The following THRB variants were observed in gnomAD, a reference collection of about 807,000 sequenced individuals.
THRB encodes the protein nuclear receptor subfamily 1 group A member 2.
A neutral mutation model predicts 47.8 loss-of-function variants in THRB; 12 were observed. The ratio of observed to expected loss-of-function variants is 0.25; its 90% CI spans 0.16 to 0.41. The LOEUF (loss-of-function observed/expected upper bound fraction) is 0.41. Ranked by LOEUF, THRB falls within the 10% of genes least tolerant of loss-of-function variation. THRB has a pLI of 1.00. For synonymous variants in THRB, 218 were observed against 212.2 expected, an observed-to-expected ratio of 1.03 and a Z score of -0.24; for missense variants, 348 against 589.2, an observed-to-expected ratio of 0.59 and a Z score of 4.24.
intron 5 of THRB, among the ~76,000 whole-genome samples, chr3:24,188,153 C>T (rs1366804148): frequency 6.6e-6 from 1 of 152,210 alleles, no homozygotes; most frequent in Admixed American, 6.5e-5. Flanking sequence ...TACCCCACAT[C>T]TATCTGAAAT....
In THRB at chr3:24,123,143, G is replaced by A. The variant is rs1453584057; in HGVS notation, c.1145-18C>T. On this transcript the variant is annotated intron_variant, in intron 10 of 10. Coordinates refer to ENST00000646209, the MANE Select transcript of THRB (RefSeq NM_001354712.2). ...CGGGCGATCTGCGGGGAAGAGAGAAGATGGACATTGATTCAGAGATGGAAG... is the reference window on the plus strand; with the variant it reads ...CGGGCGATCTGCGGGGAAGAGAGAAAATGGACATTGATTCAGAGATGGAAG... The A allele has an allele frequency of 1.2e-6, 2 of 1,613,950 alleles. No homozygotes were observed. Among genetic ancestry groups the A allele is most frequent in the Non-Finnish European group, 1.7e-6 (2 of 1,180,022 alleles).
chr3:24,422,162 A>G (rs980161995), intron 1 of THRB, among the ~76,000 whole-genome samples: 1 of 151,998 alleles, frequency 6.6e-6, no homozygotes, highest in Admixed American at 6.6e-5. Context: ...AATAGGCTTG[A>G]GGAGCTTGGG....
chr3:24,337,583 T>C (rs2062341964), intron 1 of THRB, among the ~76,000 whole-genome samples: 1 of 152,218 alleles, frequency 6.6e-6, no homozygotes, highest in African/African-American at 2.4e-5. Context: ...ACAAGGACTG[T>C]AAGAACACAT....
intron 1 of THRB, among the ~76,000 whole-genome samples, chr3:24,464,359 C>G (rs1333147930): frequency 2.6e-5 from 4 of 152,070 alleles, no homozygotes; most frequent in Non-Finnish European, 5.9e-5. Context: ...AAACTTTAGC[C>G]CAAATAATCA....
chr3:24,305,488 A>T (rs2057274797), intron 2 of THRB, among the ~76,000 whole-genome samples: 1 of 152,202 alleles, frequency 6.6e-6, no homozygotes, highest in Admixed American at 6.5e-5. Flanking sequence ...TACAGTATTA[A>T]TGTTAGCAGC....
chr3:24,440,989 A>G (rs970506617), intron 1 of THRB, among the ~76,000 whole-genome samples: 1 of 152,204 alleles, frequency 6.6e-6, no homozygotes, highest in Non-Finnish European at 1.5e-5. Flanking sequence ...GGCTGAAATC[A>G]AGGTGTTAGC....
rs138620846 is a variant in THRB, at chr3:24,188,602, T to A, written c.283+1472A>T. On this transcript the variant is annotated intron_variant, in intron 5 of 10. Transcript: ENST00000646209. ...AAATTGGGTTTATGACATTATTAGATCACAAGGATGCTAGAGTTTTCTGTT... is the reference window on the plus strand; with the variant it reads ...AAATTGGGTTTATGACATTATTAGAACACAAGGATGCTAGAGTTTTCTGTT... Among the ~76,000 whole-genome samples, 271 of 152,202 alleles carry A rather than the reference T, an allele frequency of 1.8e-3. 1 individual carries two copies. Among genetic ancestry groups the A allele is most frequent in the African/African-American group, 6.2e-3 (258 of 41,524 alleles).
At chr3:24,413,179 T>C (rs1331828668) in intron 1 of THRB, among the ~76,000 whole-genome samples, 1 of 151,910 alleles carries the variant, frequency 6.6e-6, no homozygotes, top group African/African-American at 2.4e-5. Context: ...CAATTTCTTA[T>C]GTTCAACAAT....
Position 24,159,860 on chromosome 3 carries a change from T to C in THRB, c.284-7370A>G, listed in dbSNP as rs73823213. ...ACAACCATCACAACAAAGAATTATA[T>C]GGCCCCAATGTCAATAGTGCCAAGG... is the stretch of plus-strand genomic sequence containing the variant. On this transcript the variant is annotated intron_variant, in intron 5 of 10. Transcript: ENST00000646209. Among the ~76,000 whole-genome samples, 1,082 of 152,256 alleles carry C rather than the reference T, an allele frequency of 7.1e-3. 12 individuals carry two copies. The highest frequency in any genetic ancestry group is 0.025 in the African/African-American group (1,022 of 41,548).
chr3:24,253,904 C>T (rs1026096973), intron 3 of THRB, among the ~76,000 whole-genome samples: 1 of 150,990 alleles, frequency 6.6e-6, no homozygotes, highest in Non-Finnish European at 1.5e-5. Context: ...TGTCTTCAAA[C>T]GTTTCTGGAA....
rs1575308268 is a variant in THRB at position 24,133,567 on chromosome 3, C to T, written c.739-105G>A. The T allele has an allele frequency of 4.6e-5, 47 of 1,019,300 alleles. No individual in the cohort carries two copies. In the East Asian group the frequency reaches 1.2e-3, roughly 26 times the overall value. The allele number at this position is 1,019,300 out of a possible 1,614,324, so 63.1% of individuals were successfully genotyped here. On this transcript the variant is annotated intron_variant, in intron 8 of 10. Transcript: ENST00000646209. ...ATCTCTTCTGAACTGATATCCTGTACAGTTTCCAGTTTTCACATCATTTGT... is the reference window on the plus strand; with the variant it reads ...ATCTCTTCTGAACTGATATCCTGTATAGTTTCCAGTTTTCACATCATTTGT...
At chr3:24,376,096 T>C (rs972682101) in intron 1 of THRB, among the ~76,000 whole-genome samples, 57 of 152,080 alleles carry the variant, frequency 3.7e-4, no homozygotes, top group Admixed American at 3.7e-3. Context: ...GCTTGGCGAG[T>C]GATCAAATTT....
At chr3:24,388,550 C>T (rs954812553) in intron 1 of THRB, among the ~76,000 whole-genome samples, 26 of 152,086 alleles carry the variant, frequency 1.7e-4, no homozygotes, top group African/African-American at 6.0e-4. Flanking sequence ...GAACTAGTTG[C>T]CAACATTAAA....
intron 5 of THRB, among the ~76,000 whole-genome samples, chr3:24,165,802 TA>T (rs1361774654): frequency 6.6e-6 from 1 of 152,208 alleles, no homozygotes; most frequent in Non-Finnish European, 1.5e-5. Context: ...ATAAAACGAT[TA>T]CTCATTGTTA....
At chr3:24,208,380 C>G (rs1234458205) in intron 4 of THRB, among the ~76,000 whole-genome samples, 3 of 152,132 alleles carry the variant, frequency 2.0e-5, no homozygotes, top group African/African-American at 7.2e-5. Flanking sequence ...AAAAAGAGCC[C>G]GCATTGCCAA....
At chr3:24,376,159 AATGGAGAAAGGGAC>A (rs1261966166) in intron 1 of THRB, among the ~76,000 whole-genome samples, 1 of 152,172 alleles carries the variant, frequency 6.6e-6, no homozygotes, top group African/African-American at 2.4e-5. Flanking sequence ...GTGTGTCTAT[AATGGAGAAAGGGAC>A]GTAAACAACT....
At chr3:24,453,125 T>C (rs2072829800) in intron 1 of THRB, among the ~76,000 whole-genome samples, 1 of 152,156 alleles carries the variant, frequency 6.6e-6, no homozygotes, top group East Asian at 1.9e-4. Context: ...TCAGTTGTCT[T>C]TGAAACTTCC....
chr3:24,169,887 T>G lies in THRB; in HGVS notation c.284-17397A>C, dbSNP rs1042026953. 3.3e-5 allele frequency among the ~76,000 whole-genome samples: 5 copies of G among 152,138 alleles called. No individual in the cohort carries two copies. The South Asian group carries it at 1.0e-3, about 32-fold the overall frequency. On this transcript the variant is annotated intron_variant, in intron 5 of 10. Coordinates refer to ENST00000646209, the MANE Select transcript of THRB (RefSeq NM_001354712.2). Reference sequence around the variant, plus strand: ...CTGCTTTTGTGCTACCATGGCAGAGTTGAGTAGTTGCAAGAGAGACCTTAT... The same window carrying G: ...CTGCTTTTGTGCTACCATGGCAGAGGTGAGTAGTTGCAAGAGAGACCTTAT...
At chr3:24,127,395 A>T in intron 10 of THRB, 104 bp downstream of exon 10, 1 of 1,233,818 alleles carries the variant, frequency 8.1e-7, no homozygotes. Flanking sequence ...AGAGTGAGCT[A>T]TGTTTCTGAA....
Sources: allele counts gnomAD v4.1 joint callset (sites outside exome capture counted in the v4.1 genomes callset), GRCh38; gene constraint gnomAD v4.1.1; transcripts MANE v1.5; gene names NCBI Gene and HGNC (gene_info 2026-07-23, HGNC 2026-07-21).